ATP6V1H: variants seen among roughly 807,000 people sequenced by gnomAD.
The protein encoded by ATP6V1H is ATPase H+ transporting V1 subunit H.
ATP6V1H carries 39 observed loss-of-function variants against 71.7 expected under a neutral mutation model. The ratio of observed to expected loss-of-function variants is 0.54; its 90% CI spans 0.42 to 0.71. ATP6V1H has a LOEUF of 0.71. Among genes scored for constraint, ATP6V1H ranks in the 30% least tolerant of loss-of-function variants. The pLI, the probability that ATP6V1H is intolerant of heterozygous loss-of-function variation, is 0.00. For missense variants in ATP6V1H, 509 were observed against 594.9 expected, an observed-to-expected ratio of 0.86 and a Z score of 1.50; for synonymous variants, 192 against 199.3, an observed-to-expected ratio of 0.96 and a Z score of 0.31.
rs56324145 is a variant in ATP6V1H, at chr8:53,789,651, C to T, written c.870+5996G>A. 5.1e-3 allele frequency among the ~76,000 whole-genome samples: 782 copies of T among 152,204 alleles called. 6 individuals are homozygous for T. Among genetic ancestry groups the T allele is most frequent in the African/African-American group, 0.018 (741 of 41,538 alleles). On this transcript the variant is annotated intron_variant, in intron 9 of 13. Transcript: ENST00000359530. ...CAGGACAGCTAAAATAAGACCCTGA[C>T]TTCTATTACAGCTCTTTCCCATACG...
In ATP6V1H at chr8:53,776,965, A is replaced by G. The variant is rs564803013; in HGVS notation, c.871-4798T>C. On this transcript the variant is annotated intron_variant, in intron 9 of 13. Transcript: ENST00000359530. ...GTGGACTGGAGATGACAAAGGAGTCAGTGAACATGAAGACAGAGCAACAGA... is the reference window on the plus strand; with the variant it reads ...GTGGACTGGAGATGACAAAGGAGTCGGTGAACATGAAGACAGAGCAACAGA... Among the ~76,000 whole-genome samples the G allele has an allele frequency of 1.8e-3, 271 of 152,360 alleles. 2 individuals are homozygous for G. Among genetic ancestry groups the G allele is most frequent in the African/African-American group, 5.7e-3 (239 of 41,590 alleles).
intron 13 of ATP6V1H, among the ~76,000 whole-genome samples, chr8:53,724,586 CT>C (rs1585717676): frequency 2.8e-5 from 4 of 143,822 alleles, no homozygotes; most frequent in Admixed American, 7.0e-5. Flanking sequence ...CTCCTCCCCC[CT>C]CCCCCTCCTC....
intron 8 of ATP6V1H, among the ~76,000 whole-genome samples, chr8:53,797,819 C>CA (rs1466059917): frequency 6.6e-6 from 1 of 151,898 alleles, no homozygotes; most frequent in African/African-American, 2.4e-5. Context: ...AGCAACATGG[C>CA]AAAACCCCAT....
intron 2 of ATP6V1H, among the ~76,000 whole-genome samples, chr8:53,836,015 A>C (rs985728979): frequency 6.6e-6 from 1 of 152,182 alleles, no homozygotes; most frequent in African/African-American, 2.4e-5. Context: ...GTTAATCCCA[A>C]AGGCTAGAAG....
At chr8:53,758,497 C>A (rs1808150389) in intron 11 of ATP6V1H, among the ~76,000 whole-genome samples, 1 of 152,148 alleles carries the variant, frequency 6.6e-6, no homozygotes, top group Non-Finnish European at 1.5e-5. Flanking sequence ...GATCAATGTA[C>A]AGCTAATCAA....
At chr8:53,787,817 T>C (rs891696289) in intron 9 of ATP6V1H, among the ~76,000 whole-genome samples, 1 of 152,160 alleles carries the variant, frequency 6.6e-6, no homozygotes, top group African/African-American at 2.4e-5. Context: ...GCATGCACTA[T>C]GAATAAGTGA....
chr8:53,765,206 G>A (rs776467677), intron 11 of ATP6V1H, among the ~76,000 whole-genome samples: 7 of 151,768 alleles, frequency 4.6e-5, no homozygotes, highest in Non-Finnish European at 7.4e-5. Flanking sequence ...GTTAGAGACT[G>A]GCCTGGCCAA....
At chr8:53,718,185 G>T (rs1234080869) in intron 13 of ATP6V1H, among the ~76,000 whole-genome samples, 1 of 152,154 alleles carries the variant, frequency 6.6e-6, no homozygotes. Context: ...ACAACAAGTG[G>T]TGAAGATAAT....
At chr8:53,738,803 A>C (rs1267477206) in intron 13 of ATP6V1H, among the ~76,000 whole-genome samples, 4 of 152,224 alleles carry the variant, frequency 2.6e-5, no homozygotes, top group Non-Finnish European at 5.9e-5. Context: ...TACTGTCCAG[A>C]AAAGTTAATA....
chr8:53,745,653 C>T (rs539052753), intron 12 of ATP6V1H, among the ~76,000 whole-genome samples: 134 of 151,896 alleles, frequency 8.8e-4, no homozygotes, highest in Admixed American at 1.4e-3. Flanking sequence ...GAACATTACA[C>T]AGCACTCCAG....
chr8:53,796,472 G>T (rs951700977), intron 8 of ATP6V1H, among the ~76,000 whole-genome samples: 1 of 151,022 alleles, frequency 6.6e-6, no homozygotes. Context: ...TTGCCCTGGG[G>T]AATACCTACA....
Position 53,743,626 on chromosome 8 carries a change from C to T in ATP6V1H, c.1342G>A (p.Val448Ile). The T allele has an allele frequency of 6.2e-7, 1 of 1,613,900 alleles. No individual in the cohort carries two copies. The highest frequency in any genetic ancestry group is 8.5e-7 in the Non-Finnish European group (1 of 1,179,996). The change falls in exon 13 of 14, where the codon GTC becomes ATC. Residue 448 changes from valine (V) to isoleucine (I), a missense_variant. Val to Ile is a conservative substitution (Grantham distance 29). This residue lies in a region of ATP6V1H where 212 missense variants were observed against 291.6 expected (regional missense o/e 0.73). Transcript: ENST00000359530. ...MNHMHHEDQQVRYNALLAVQK... is the reference protein window; with the variant it reads ...MNHMHHEDQQIRYNALLAVQK... ...ACGGCCAGCAGAGCATTATAGCGGACCTGCTGGTCTTCATGATGCATGTGG... is the reference window on the plus strand; with the variant it reads ...ACGGCCAGCAGAGCATTATAGCGGATCTGCTGGTCTTCATGATGCATGTGG...
intron 3 of ATP6V1H, among the ~76,000 whole-genome samples, chr8:53,829,813 G>A (rs978311666): frequency 6.6e-6 from 1 of 152,036 alleles, no homozygotes; most frequent in African/African-American, 2.4e-5. Context: ...GATTACCGAC[G>A]ACGGCATAAA....
At chr8:53,819,806 A>ATGTGTGTG (rs531362176) in intron 4 of ATP6V1H, among the ~76,000 whole-genome samples, 1 of 146,014 alleles carries the variant, frequency 6.8e-6, no homozygotes, top group African/African-American at 2.5e-5. Context: ...TACAAAGTAT[A>ATGTGTGTG]TGTGTGTGTG....
Position 53,829,518 on chromosome 8 carries a change from T to C in ATP6V1H, c.232A>G (p.Ile78Val), listed in dbSNP as rs140317372. Reference protein sequence around the residue: ...TEGSQCAKTFINLMTHICKEQ... With the variant: ...TEGSQCAKTFVNLMTHICKEQ... ...TTGCAGATATGAGTCATCAGATTTA[T>C]AAATGTTTTAGCACACTAAAAAAAA... is the stretch of plus-strand genomic sequence containing the variant. Residue 78 changes from isoleucine to valine, a missense_variant, in exon 4 of 14, where the codon ATA becomes GTA. By Grantham distance (29) the Ile-to-Val change is conservative. This residue lies in a region of ATP6V1H where 297 missense variants were observed against 303.3 expected (regional missense o/e 0.98). Coordinates refer to ENST00000359530, the MANE Select transcript of ATP6V1H (RefSeq NM_015941.4). 5,000 of 1,589,808 alleles carry C rather than the reference T, an allele frequency of 3.1e-3. 17 individuals carry two copies. The highest frequency in any genetic ancestry group is 3.9e-3 in the Non-Finnish European group (4,585 of 1,170,244).
At position 53,795,822 on chromosome 8, in the gene ATP6V1H, C is replaced by T. The variant is rs759200093; in HGVS notation, c.695G>A (p.Ser232Asn). ...CTGGAGCTGAAAGCCACACTTGTTA[C>T]TCAACACTCCCATTATGCTGAAAAA... Reference protein sequence around the residue: ...DGVNCIMGVLSNKCGFQLQYQ... With the variant: ...DGVNCIMGVLNNKCGFQLQYQ... The change falls in exon 9 of 14, where the codon AGT (serine) becomes AAT (asparagine). Residue 232 changes from serine (S) to asparagine (N), a missense_variant. By Grantham distance (46) the Ser-to-Asn change is conservative. This residue lies in a region of ATP6V1H where 297 missense variants were observed against 303.3 expected (regional missense o/e 0.98). Transcript: ENST00000359530. The T allele has an allele frequency of 3.1e-6, 5 of 1,606,676 alleles. No homozygotes were observed. The highest frequency in any genetic ancestry group is 3.4e-6 in the Non-Finnish European group (4 of 1,177,730).
At chr8:53,825,752 C>T (rs1212801045) in intron 4 of ATP6V1H, among the ~76,000 whole-genome samples, 1 of 152,102 alleles carries the variant, frequency 6.6e-6, no homozygotes, top group Non-Finnish European at 1.5e-5. Flanking sequence ...CAAGAACCAA[C>T]TCTAAGCAGG....
At chr8:53,796,256 G>A (rs1387801122) in intron 8 of ATP6V1H, among the ~76,000 whole-genome samples, 1 of 152,152 alleles carries the variant, frequency 6.6e-6, no homozygotes, top group African/African-American at 2.4e-5. Flanking sequence ...GAAAACCTGT[G>A]ATGGGTTCAA....
chr8:53,738,380 T>C (rs528945047), intron 13 of ATP6V1H, among the ~76,000 whole-genome samples: 72 of 151,998 alleles, frequency 4.7e-4, no homozygotes, highest in Non-Finnish European at 7.8e-4. Flanking sequence ...CAGATGTAAC[T>C]GCCCCACCCA....
Sources: allele counts gnomAD v4.1 joint callset (sites outside exome capture counted in the v4.1 genomes callset), GRCh38; gene constraint gnomAD v4.1.1; regional missense constraint gnomAD v4.1.1; transcripts MANE v1.5; gene names NCBI Gene and HGNC (gene_info 2026-07-23, HGNC 2026-07-21).